The following SNX10 variants were observed in gnomAD, a reference collection of about 807,000 sequenced individuals.
SNX10 encodes the protein sorting nexin 10.
In SNX10, 25 loss-of-function variants were observed where a neutral mutation model predicts 28.5. The observed-to-expected ratio is 0.88, with a 90% CI of 0.64 to 1.22. The LOEUF (loss-of-function observed/expected upper bound fraction) is 1.22, where lower values mean the gene tolerates loss of function less well. Among genes scored for constraint, SNX10 ranks in the 50% most tolerant of loss-of-function variants. The pLI is 0.00. For missense variants in SNX10, 223 were observed against 242.6 expected, an observed-to-expected ratio of 0.92 and a Z score of 0.54; for synonymous variants, 62 against 81.4, an observed-to-expected ratio of 0.76 and a Z score of 1.28.
At chr7:26,304,604 G>A (rs1186803994) in intron 1 of SNX10, among the ~76,000 whole-genome samples, 11 of 152,110 alleles carry the variant, frequency 7.2e-5, no homozygotes, top group Admixed American at 7.2e-4. Context: ...GAAAGAAGTG[G>A]GGGTGTGTCT....
At position 26,353,462 on chromosome 7, in the gene SNX10, G is replaced by A. The variant is rs751044965; in HGVS notation, c.24+6996G>A. 3.1e-3 allele frequency among the ~76,000 whole-genome samples: 299 copies of A among 96,592 alleles called. 18 individuals carry two copies. The highest frequency in any genetic ancestry group is 7.7e-3 in the Middle Eastern group (1 of 130). 63.4% of individuals were successfully genotyped at this position (96,592 alleles called of 152,430 possible). On this transcript the variant is annotated intron_variant, in intron 2 of 6. Coordinates refer to ENST00000338523, the MANE Select transcript of SNX10 (RefSeq NM_013322.3). ...CTTTTTTTTTTTTTTTTTTTTTTTGGTGGGGAGACAGAGTCTTGGTCTGTC... is the reference window on the plus strand; with the variant it reads ...CTTTTTTTTTTTTTTTTTTTTTTTGATGGGGAGACAGAGTCTTGGTCTGTC...
intron 1 of SNX10, among the ~76,000 whole-genome samples, chr7:26,310,087 C>T (rs1786762100): frequency 6.6e-6 from 1 of 152,200 alleles, no homozygotes; most frequent in Non-Finnish European, 1.5e-5. Context: ...AGATAGAAAA[C>T]AGAGGCCACT....
At chr7:26,299,747 A>T (rs111587594) in intron 1 of SNX10, among the ~76,000 whole-genome samples, 11,085 of 151,632 alleles carry the variant, frequency 0.073, 497 homozygotes, top group Middle Eastern at 0.11. Context: ...TTTTCCCCAA[A>T]CTTTGAAATA....
intron 1 of SNX10, among the ~76,000 whole-genome samples, chr7:26,331,519 G>A (rs192305329): frequency 9.5e-4 from 144 of 152,320 alleles, no homozygotes; most frequent in Non-Finnish European, 1.9e-3. Flanking sequence ...CTGGGAGGTC[G>A]AGGCTGCTGT....
At chr7:26,337,665 G>T (rs1336985159) in intron 1 of SNX10, among the ~76,000 whole-genome samples, 2 of 152,126 alleles carry the variant, frequency 1.3e-5, no homozygotes, top group Non-Finnish European at 2.9e-5. Flanking sequence ...AGGTTGAATG[G>T]TACCCATTGT....
chr7:26,314,628 T>C (rs944162981), intron 1 of SNX10, among the ~76,000 whole-genome samples: 2 of 152,314 alleles, frequency 1.3e-5, no homozygotes, highest in South Asian at 2.1e-4. Context: ...CCTTTTTTTC[T>C]AGTGGCTTTC....
intron 1 of SNX10, among the ~76,000 whole-genome samples, chr7:26,341,330 C>A (rs1182530713): frequency 6.6e-6 from 1 of 151,996 alleles, no homozygotes; most frequent in African/African-American, 2.4e-5. Context: ...ATAATTCTTA[C>A]AATGAAGGTA....
At chr7:26,353,461 G>T (rs770850557) in intron 2 of SNX10, among the ~76,000 whole-genome samples, 2,289 of 41,556 alleles carry the variant, frequency 0.055, 25 homozygotes, top group Non-Finnish European at 0.064. Context: ...TTTTTTTTTT[G>T]GTGGGGAGAC....
Position 26,364,918 on chromosome 7 carries a change from TA to T in SNX10, c.213-127del. The T allele has an allele frequency of 1.6e-6, 1 of 623,882 alleles. No homozygotes were observed. The allele number at this position is 623,882 out of a possible 1,614,324, so 38.6% of individuals were successfully genotyped here. ...CCTTATTATATAACTATATAATGTA[TA>T]ATCATAATTATAGAATAACTGTGTG... On this transcript the variant is annotated intron_variant, in intron 4 of 6. Coordinates refer to ENST00000338523, the MANE Select transcript of SNX10 (RefSeq NM_013322.3). The surrounding 1 kb of genome is among the most constrained non-coding windows in gnomAD (Gnocchi z 4.9).
At chr7:26,312,528 G>A (rs1281844731) in intron 1 of SNX10, among the ~76,000 whole-genome samples, 1 of 152,220 alleles carries the variant, frequency 6.6e-6, no homozygotes, top group Non-Finnish European at 1.5e-5. Flanking sequence ...GCTCAAGCCT[G>A]TAATCCCAGC....
At chr7:26,343,510 CAG>C (rs2128010608) in intron 1 of SNX10, among the ~76,000 whole-genome samples, 1 of 152,282 alleles carries the variant, frequency 6.6e-6, no homozygotes, top group East Asian at 1.9e-4. Context: ...ATGGGAGAGA[CAG>C]AGGGTATCTA....
At chr7:26,351,908 G>A (rs1022574919) in intron 2 of SNX10, among the ~76,000 whole-genome samples, 2 of 151,750 alleles carry the variant, frequency 1.3e-5, no homozygotes, top group Non-Finnish European at 2.9e-5. Context: ...CGCCCGCCTC[G>A]GCCTCCCAAA....
chr7:26,336,195 T>C (rs1787940143), intron 1 of SNX10, among the ~76,000 whole-genome samples: 1 of 152,094 alleles, frequency 6.6e-6, no homozygotes, highest in Non-Finnish European at 1.5e-5. Context: ...GCACATTAGG[T>C]TTTACTTTCT....
chr7:26,351,032 CTT>C (rs1311957112), intron 2 of SNX10, among the ~76,000 whole-genome samples: 1 of 151,776 alleles, frequency 6.6e-6, no homozygotes, highest in African/African-American at 2.4e-5. Context: ...AAAAATAAAA[CTT>C]TGAGCTATTT....
chr7:26,329,264 C>G (rs1369780071), intron 1 of SNX10, among the ~76,000 whole-genome samples: 2 of 152,190 alleles, frequency 1.3e-5, no homozygotes, highest in East Asian at 1.9e-4. Flanking sequence ...CCAGATATAC[C>G]AGGCTCTTTC....
At chr7:26,359,159 A>G (rs1189327715) in intron 2 of SNX10, among the ~76,000 whole-genome samples, 1 of 152,180 alleles carries the variant, frequency 6.6e-6, no homozygotes, top group Non-Finnish European at 1.5e-5. Flanking sequence ...ATATTTTAAA[A>G]GAAGACTTTT....
In SNX10 at chr7:26,353,461, G is replaced by GGGC. The variant is rs1554359916; in HGVS notation, c.24+6996_24+6997insGCG. Among the ~76,000 whole-genome samples the GGGC allele has an allele frequency of 4.0e-4, 17 of 42,398 alleles. 1 individual carries two copies. The highest frequency in any genetic ancestry group is 3.7e-3 in the East Asian group (4 of 1,074). 27.8% of individuals were successfully genotyped at this position (42,398 alleles called of 152,430 possible). The stretch of plus-strand genomic sequence containing the variant: ...GCTTTTTTTTTTTTTTTTTTTTTTT[G>GGGC]GTGGGGAGACAGAGTCTTGGTCTGT... On this transcript the variant is annotated intron_variant, in intron 2 of 6. Transcript: ENST00000338523.
intron 1 of SNX10, among the ~76,000 whole-genome samples, chr7:26,336,199 ACTTT>A (rs1787940235): frequency 6.6e-6 from 1 of 152,118 alleles, no homozygotes; most frequent in Non-Finnish European, 1.5e-5. Context: ...ATTAGGTTTT[ACTTT>A]CTTTTAAAAA....
intron 1 of SNX10, among the ~76,000 whole-genome samples, chr7:26,329,372 A>T (rs1787636124): frequency 6.6e-6 from 1 of 152,192 alleles, no homozygotes. Flanking sequence ...GTTTCAGCTC[A>T]AATGTCACCT....
Sources: allele counts gnomAD v4.1 joint callset (sites outside exome capture counted in the v4.1 genomes callset), GRCh38; gene constraint gnomAD v4.1.1; non-coding constraint Gnocchi (gnomAD v3.1); transcripts MANE v1.5; gene names NCBI Gene and HGNC (gene_info 2026-07-23, HGNC 2026-07-21).